Variants in SH3GL3 observed in about 807,000 individuals in gnomAD.
SH3GL3 encodes endophilin-A3.
SH3GL3 carries 33 observed loss-of-function variants against 47.7 expected under a neutral mutation model. That is an observed-to-expected ratio of 0.69 (90% confidence interval 0.52 to 0.92). SH3GL3 has a LOEUF of 0.92. SH3GL3 is among the 40% of genes least tolerant of loss of function. The pLI, the probability that SH3GL3 is intolerant of heterozygous loss-of-function variation, is 0.00. For synonymous variants in SH3GL3, 155 were observed against 148.8 expected (o/e 1.04, Z -0.30); for missense variants, 363 against 417.8 (o/e 0.87, Z 1.14).
chr15:83,519,771 A>G (rs1406877372), intron 1 of SH3GL3, among the ~76,000 whole-genome samples: 1 of 152,136 alleles, frequency 6.6e-6, no homozygotes, highest in Non-Finnish European at 1.5e-5. Flanking sequence ...TCTTTTCCGT[A>G]TATGGTAAGT....
chr15:83,560,528 T>G (rs2045213826), intron 2 of SH3GL3, among the ~76,000 whole-genome samples: 1 of 152,262 alleles, frequency 6.6e-6, no homozygotes, highest in South Asian at 2.1e-4. Flanking sequence ...ACAAAATGAT[T>G]CAGTTGAAAT....
intron 1 of SH3GL3, among the ~76,000 whole-genome samples, chr15:83,460,068 C>CCTT (rs2040213425): frequency 4.3e-5 from 2 of 46,656 alleles, no homozygotes; most frequent in Admixed American, 7.0e-4. Flanking sequence ...CTCCCTCCCT[C>CCTT]CCTTCCTTCC....
In SH3GL3 at chr15:83,447,742, C is replaced by G. The variant is rs928168527; in HGVS notation, c.45+164C>G. The stretch of plus-strand genomic sequence containing the variant: ...GGTGGGGTGAGGGGCCGCCTGCTCT[C>G]TCCTCGGCGTCTTGGCGCCTTCTCC... On this transcript the variant is annotated intron_variant, in intron 1 of 8. Coordinates refer to ENST00000427482, the MANE Select transcript of SH3GL3 (RefSeq NM_003027.5). The surrounding 1 kb of genome is among the most constrained non-coding windows in gnomAD (Gnocchi z 5.1). Among the ~76,000 whole-genome samples the G allele has an allele frequency of 6.6e-6, 1 of 152,196 alleles. No individual in the cohort carries two copies. Among genetic ancestry groups the G allele is most frequent in the Admixed American group, 6.5e-5 (1 of 15,278 alleles).
intron 7 of SH3GL3, among the ~76,000 whole-genome samples, chr15:83,587,917 G>A (rs973455925): frequency 1.3e-5 from 2 of 152,142 alleles, no homozygotes; most frequent in Non-Finnish European, 2.9e-5. Flanking sequence ...GGAAGACAAA[G>A]ATGTGTTCAG....
At chr15:83,594,020 T>C (rs1013307954) in intron 8 of SH3GL3, among the ~76,000 whole-genome samples, 1 of 152,166 alleles carries the variant, frequency 6.6e-6, no homozygotes, top group Non-Finnish European at 1.5e-5. Flanking sequence ...GGATTCACCC[T>C]GTTGCCTAAG....
intron 1 of SH3GL3, among the ~76,000 whole-genome samples, chr15:83,461,731 G>T (rs1413640722): frequency 6.6e-6 from 1 of 151,930 alleles, no homozygotes; most frequent in Non-Finnish European, 1.5e-5. Flanking sequence ...AAAAATTCTT[G>T]TAGGTACTTC....
intron 1 of SH3GL3, chr15:83,490,693 A>G (rs1567266850): frequency 1.4e-6 from 2 of 1,391,544 alleles, no homozygotes; most frequent in South Asian, 1.4e-5. Context: ...CAGGGAAAAC[A>G]GACCAAGCTC....
chr15:83,604,525 C>G (rs1427922739), intron 8 of SH3GL3, among the ~76,000 whole-genome samples: 1 of 152,096 alleles, frequency 6.6e-6, no homozygotes, highest in Non-Finnish European at 1.5e-5. Flanking sequence ...CAACAGTATG[C>G]CAGGAGTTAT....
chr15:83,559,154 T>G, intron 1 of SH3GL3, 99 bp from the exon 2 acceptor site: 1 of 717,022 alleles, frequency 1.4e-6, no homozygotes, highest in East Asian at 2.7e-5. Flanking sequence ...ATCCAACAAG[T>G]TGAATCCAAG....
intron 1 of SH3GL3, among the ~76,000 whole-genome samples, chr15:83,457,298 G>A (rs2040040387): frequency 6.6e-6 from 1 of 152,040 alleles, no homozygotes; most frequent in Admixed American, 6.6e-5. Context: ...GACACTTGTG[G>A]GCTCCATGTT....
intron 8 of SH3GL3, among the ~76,000 whole-genome samples, chr15:83,591,473 GT>G (rs11433788): frequency 6.8e-6 from 1 of 147,460 alleles, no homozygotes; most frequent in African/African-American, 2.5e-5. Flanking sequence ...ATCCTTAAAG[GT>G]TTTTTTTTTT....
intron 2 of SH3GL3, among the ~76,000 whole-genome samples, chr15:83,561,710 A>G (rs1566988609): frequency 6.6e-6 from 1 of 152,170 alleles, no homozygotes; most frequent in African/African-American, 2.4e-5. Context: ...CAAATTACAT[A>G]AAGAAGAAGA....
intron 8 of SH3GL3, among the ~76,000 whole-genome samples, chr15:83,593,781 A>G (rs1021002155): frequency 6.6e-6 from 1 of 151,940 alleles, no homozygotes; most frequent in Non-Finnish European, 1.5e-5. Context: ...TCAATACTTC[A>G]TAATTAAGGA....
intron 8 of SH3GL3, among the ~76,000 whole-genome samples, chr15:83,616,690 TG>T (rs1390914490): frequency 6.6e-6 from 1 of 152,154 alleles, no homozygotes; most frequent in African/African-American, 2.4e-5. Context: ...TAGATATTTA[TG>T]TATAAGCTCT....
the SH3GL3 span, among the ~76,000 whole-genome samples, chr15:83,624,204 C>T: frequency 6.6e-6 from 1 of 152,184 alleles, no homozygotes; most frequent in Non-Finnish European, 1.5e-5. Context: ...ATTCTCCTCT[C>T]TTGTTTTGCT....
At chr15:83,605,028 C>T (rs12148209) in intron 8 of SH3GL3, among the ~76,000 whole-genome samples, 6,683 of 152,268 alleles carry the variant, frequency 0.044, 205 homozygotes, top group Non-Finnish European at 0.068. Context: ...ATTGAGGCCA[C>T]GCATGTCAGT....
intron 1 of SH3GL3, among the ~76,000 whole-genome samples, chr15:83,466,760 G>T (rs1207570064): frequency 6.6e-6 from 1 of 152,174 alleles, no homozygotes; most frequent in Non-Finnish European, 1.5e-5. Flanking sequence ...GATGTGGAGG[G>T]ATATGTCATT....
intron 8 of SH3GL3, 83 bp downstream of exon 8, chr15:83,588,854 A>G (rs1418416986): frequency 3.9e-6 from 3 of 762,250 alleles, no homozygotes; most frequent in Non-Finnish European, 7.1e-6. Context: ...TTTCTGGGTC[A>G]GTGAATACAC....
At chr15:83,520,661 AAGTGTCAGG>A (rs1311954400) in intron 1 of SH3GL3, among the ~76,000 whole-genome samples, 1 of 152,152 alleles carries the variant, frequency 6.6e-6, no homozygotes, top group Admixed American at 6.5e-5. Flanking sequence ...AAGGAAGGAC[AAGTGTCAGG>A]AGTAAGAGTC....
Sources: allele counts gnomAD v4.1 joint callset (sites outside exome capture counted in the v4.1 genomes callset), GRCh38; gene constraint gnomAD v4.1.1; non-coding constraint Gnocchi (gnomAD v3.1); transcripts MANE v1.5; gene names NCBI Gene and HGNC (gene_info 2026-07-23, HGNC 2026-07-21).